Variants in CASK observed in about 807,000 individuals in gnomAD.
CASK encodes peripheral plasma membrane protein CASK.
CASK carries 4 observed loss-of-function variants against 82.9 expected under a neutral mutation model. That is an observed-to-expected ratio of 0.05 (90% CI 0.02 to 0.11). The LOEUF is 0.11. Among genes scored for constraint, CASK ranks in the 10% least tolerant of loss-of-function variants. The pLI, the probability that CASK is intolerant of heterozygous loss-of-function variation, is 1.00. For synonymous variants in CASK, 259 were observed against 253.5 expected (o/e 1.02, Z -0.20); for missense variants, 358 against 720.9 (o/e 0.50, Z 5.76).
intron 3 of CASK, among the ~76,000 whole-genome samples, chrX:41,775,435 T>C (rs1362174530): frequency 9.4e-6 from 1 of 106,799 alleles, no homozygotes; most frequent in African/African-American, 3.4e-5. Context: ...ACACTGTTGG[T>C]AGGACTGTAA....
At chrX:41,736,762 G>A (rs780564583) in intron 5 of CASK, among the ~76,000 whole-genome samples, 84 of 111,442 alleles carry the variant, frequency 7.5e-4, no homozygotes, top group African/African-American at 2.6e-3. Flanking sequence ...GACTACTTTT[G>A]GGCCTTTGCA....
chrX:41,669,256 C>T (rs944530505), intron 6 of CASK, among the ~76,000 whole-genome samples: 1 of 110,693 alleles, frequency 9.0e-6, no homozygotes, highest in Non-Finnish European at 1.9e-5. Context: ...CAGCGGTGGG[C>T]GGTGGGGGGG....
intron 7 of CASK, among the ~76,000 whole-genome samples, chrX:41,661,752 G>T (rs2067037435): frequency 9.2e-6 from 1 of 109,084 alleles, no homozygotes; most frequent in Non-Finnish European, 1.9e-5. Context: ...AATGCCATAA[G>T]GCTGTTTAAT....
intron 2 of CASK, among the ~76,000 whole-genome samples, chrX:41,828,767 G>A (rs751757119): frequency 8.9e-5 from 10 of 112,059 alleles, no homozygotes; most frequent in Non-Finnish European, 9.4e-5. Flanking sequence ...TGGCACTTAC[G>A]TTGTAACTTT....
intron 12 of CASK, among the ~76,000 whole-genome samples, chrX:41,606,533 G>T (rs751298515): frequency 1.8e-5 from 2 of 111,737 alleles, no homozygotes; most frequent in Non-Finnish European, 3.8e-5. Flanking sequence ...GATTACAGGC[G>T]TGAGTCACCG....
intron 5 of CASK, among the ~76,000 whole-genome samples, chrX:41,720,779 T>C (rs756750949): frequency 1.8e-5 from 2 of 111,260 alleles, no homozygotes; most frequent in Non-Finnish European, 3.8e-5. Flanking sequence ...AAAGCTCTCA[T>C]GTCCCCTTGC....
rs1454230338 is a variant in CASK, at chrX:41,516,827, C to T, written c.*3593G>A. On this transcript the variant is annotated 3_prime_UTR_variant, in exon 27 of 27. Transcript: ENST00000378163. ...TTCTTGGTAGCTTTAGCAACACATT[C>T]TCTTTGCCCCAAGTTAAGAAACTGG... The T allele has an allele frequency of 9.1e-6, 1 of 110,088 alleles. No homozygotes were observed. The highest frequency in any genetic ancestry group is 3.3e-5 in the African/African-American group (1 of 30,223). 9.1% of individuals were successfully genotyped at this position (110,088 alleles called of 1,213,427 possible).
chrX:41,676,879 T>C (rs1012265582), intron 5 of CASK, among the ~76,000 whole-genome samples: 1 of 112,408 alleles, frequency 8.9e-6, no homozygotes, highest in Non-Finnish European at 1.9e-5. Flanking sequence ...GAATTGCTAC[T>C]GGATATGAGC....
chrX:41,550,464 A>T (rs1466367323), intron 21 of CASK, among the ~76,000 whole-genome samples: 1 of 111,546 alleles, frequency 9.0e-6, no homozygotes, highest in African/African-American at 3.3e-5. Context: ...AGCCATTCTA[A>T]TAGGTGTGAC....
At chrX:41,623,525 C>T (rs2066318828) in intron 10 of CASK, among the ~76,000 whole-genome samples, 1 of 111,355 alleles carries the variant, frequency 9.0e-6, no homozygotes, top group Non-Finnish European at 1.9e-5. Flanking sequence ...TGGGTTCAAG[C>T]AATTCTCTTG....
At chrX:41,770,314 ATCCAT>A (rs1168238974) in intron 3 of CASK, among the ~76,000 whole-genome samples, 118 of 77,060 alleles carry the variant, frequency 1.5e-3, no homozygotes, top group African/African-American at 3.1e-3. Flanking sequence ...CTACCTACCT[ATCCAT>A]CCATCCATCC....
chrX:41,798,164 C>CA (rs1175629726), intron 2 of CASK, among the ~76,000 whole-genome samples: 1 of 111,692 alleles, frequency 9.0e-6, no homozygotes, highest in Non-Finnish European at 1.9e-5. Context: ...GTTAATTATT[C>CA]AGGGGTAATT....
intron 1 of CASK, among the ~76,000 whole-genome samples, chrX:41,854,342 G>T (rs1284655202): frequency 2.7e-5 from 3 of 110,977 alleles, no homozygotes; most frequent in Admixed American, 9.5e-5. Context: ...ATATAGATTT[G>T]TGTGTGTGTG....
intron 1 of CASK, among the ~76,000 whole-genome samples, chrX:41,891,207 T>C (rs2072162876): frequency 9.1e-6 from 1 of 109,420 alleles, no homozygotes; most frequent in Admixed American, 9.9e-5. Flanking sequence ...CTTAATTATA[T>C]GTTACATATA....
chrX:41,678,984 A>C (rs1000624191), intron 5 of CASK, among the ~76,000 whole-genome samples: 5 of 109,887 alleles, frequency 4.6e-5, no homozygotes, highest in Admixed American at 9.7e-5. Context: ...TGGGACCAGT[A>C]ACTTGAGGTA....
intron 16 of CASK, among the ~76,000 whole-genome samples, chrX:41,569,175 C>T (rs1199133013): frequency 9.0e-6 from 1 of 111,717 alleles, no homozygotes; most frequent in Non-Finnish European, 1.9e-5. Context: ...TATCTAATTC[C>T]TAAATGAATG....
intron 9 of CASK, 42 bp from the exon 10 acceptor site, chrX:41,626,745 C>T (rs1352647315): frequency 3.7e-6 from 3 of 817,827 alleles, no homozygotes; most frequent in Non-Finnish European, 1.8e-6. Context: ...AAAACAAATA[C>T]ACAAATATAA....
At chrX:41,797,204 G>A (rs2069875023) in intron 2 of CASK, among the ~76,000 whole-genome samples, 1 of 107,272 alleles carries the variant, frequency 9.3e-6, no homozygotes, top group African/African-American at 3.4e-5. Flanking sequence ...TCTTCCTTCA[G>A]CCTCCCTGAC....
intron 5 of CASK, among the ~76,000 whole-genome samples, chrX:41,712,656 T>A (rs1202031858): frequency 8.9e-6 from 1 of 112,640 alleles, no homozygotes; most frequent in Non-Finnish European, 1.9e-5. Flanking sequence ...ACTGTTCTTG[T>A]AAAACGAATG....
Sources: allele counts gnomAD v4.1 joint callset (sites outside exome capture counted in the v4.1 genomes callset), GRCh38; gene constraint gnomAD v4.1.1; transcripts MANE v1.5; gene names NCBI Gene and HGNC (gene_info 2026-07-23, HGNC 2026-07-21).